ADGB: variants seen among roughly 807,000 people sequenced by gnomAD.
The protein encoded by ADGB is calpain-7-like protein.
In ADGB, 172 loss-of-function variants were observed where a neutral mutation model predicts 210.5. The ratio of observed to expected loss-of-function variants is 0.82; its 90% CI spans 0.72 to 0.93. The LOEUF (loss-of-function observed/expected upper bound fraction) is 0.93. Among genes scored for constraint, ADGB ranks in the 40% least tolerant of loss-of-function variants. The pLI, the probability that ADGB is intolerant of heterozygous loss-of-function variation, is 0.00. For synonymous variants in ADGB, 658 were observed against 662.7 expected, an observed-to-expected ratio of 0.99 and a Z score of 0.11; for missense variants, 2,025 against 1,964.8, an observed-to-expected ratio of 1.03 and a Z score of -0.58.
chr6:146,762,845 C>G (rs1156361571), intron 27 of ADGB, among the ~76,000 whole-genome samples: 4 of 152,114 alleles, frequency 2.6e-5, no homozygotes, highest in Non-Finnish European at 5.9e-5. Context: ...TTCAATGTCT[C>G]TCAACACTGT....
At chr6:146,675,639 A>C (rs1021936606) in intron 8 of ADGB, among the ~76,000 whole-genome samples, 1 of 152,168 alleles carries the variant, frequency 6.6e-6, no homozygotes, top group African/African-American at 2.4e-5. Context: ...AAATGACAGA[A>C]ATCTATAATT....
chr6:146,647,881 T>C (rs1187626130), intron 3 of ADGB, among the ~76,000 whole-genome samples: 1 of 151,914 alleles, frequency 6.6e-6, no homozygotes, highest in Non-Finnish European at 1.5e-5. Context: ...TGAAAGAAAA[T>C]AAATACCTTA....
At chr6:146,656,689 A>AT (rs930397114) in intron 4 of ADGB, 82 bp from the exon 5 acceptor site, 23 of 949,984 alleles carry the variant, frequency 2.4e-5, no homozygotes, top group Middle Eastern at 2.5e-4. Flanking sequence ...TTGGAAGTGG[A>AT]TTTTTTTACT....
chr6:146,751,758 T>C (rs1210131234), intron 26 of ADGB, among the ~76,000 whole-genome samples: 1 of 152,158 alleles, frequency 6.6e-6, no homozygotes, highest in South Asian at 2.1e-4. Flanking sequence ...ATGTGTTTGT[T>C]GGCCACATGT....
intron 35 of ADGB, among the ~76,000 whole-genome samples, chr6:146,812,765 C>A (rs774332548): frequency 2.2e-4 from 34 of 152,182 alleles, no homozygotes; most frequent in Non-Finnish European, 2.9e-4. Flanking sequence ...ATGACATGCC[C>A]TTGTTTTATG....
chr6:146,687,704 T>G (rs1267599832), intron 10 of ADGB, among the ~76,000 whole-genome samples: 1 of 151,992 alleles, frequency 6.6e-6, no homozygotes, highest in Non-Finnish European at 1.5e-5. Flanking sequence ...CAAACCACCA[T>G]GGCACACATA....
intron 33 of ADGB, among the ~76,000 whole-genome samples, chr6:146,800,928 A>T (rs1778121188): frequency 6.6e-6 from 1 of 152,090 alleles, no homozygotes; most frequent in South Asian, 2.1e-4. Context: ...TGTGATTAGA[A>T]TAGCATTTTT....
intron 9 of ADGB, among the ~76,000 whole-genome samples, chr6:146,685,438 T>A (rs1048442847): frequency 6.6e-6 from 1 of 152,028 alleles, no homozygotes; most frequent in East Asian, 1.9e-4. Context: ...TGTGGACCAT[T>A]CTATGTTGCA....
intron 10 of ADGB, among the ~76,000 whole-genome samples, chr6:146,688,323 A>T (rs1776260420): frequency 6.6e-6 from 1 of 152,130 alleles, no homozygotes; most frequent in Non-Finnish European, 1.5e-5. Context: ...TAACAGAAAC[A>T]TGTCATCCTT....
chr6:146,690,501 T>A (rs545168504), intron 10 of ADGB, among the ~76,000 whole-genome samples: 2 of 152,228 alleles, frequency 1.3e-5, no homozygotes, highest in Non-Finnish European at 2.9e-5. Flanking sequence ...ATCAGTAACG[T>A]AAGTTCTACT....
chr6:146,701,068 C>T lies in ADGB; in HGVS notation c.1705C>T (p.Gln569Ter). ...DLSQITKATS[Q>*]GNTASQVILG... ...GAGTCAAATAACAAAAGCTACATCT[C>T]AGGTGACTATGTTACTCTTACTGTT... is the stretch of plus-strand genomic sequence containing the variant. The change falls in exon 13 of 36, where the codon CAG becomes TAG. Residue 569 changes from glutamine (Q) to a stop codon, truncating the protein, a stop_gained and splice_region_variant. Coordinates refer to ENST00000397944, the MANE Select transcript of ADGB (RefSeq NM_024694.4). LOFTEE classifies it high-confidence loss of function. 6.5e-7 allele frequency: 1 copy of T among 1,550,008 alleles called. No homozygotes were observed. The highest frequency in any genetic ancestry group is 2.0e-5 in the Admixed American group (1 of 50,702).
chr6:146,710,651 G>A (rs944499017), intron 13 of ADGB, among the ~76,000 whole-genome samples: 1 of 150,070 alleles, frequency 6.7e-6, no homozygotes, highest in African/African-American at 2.5e-5. Flanking sequence ...GAGATTAATA[G>A]GTGATTGAGG....
At chr6:146,740,946 G>A (rs569816682) in intron 24 of ADGB, among the ~76,000 whole-genome samples, 172 bp from the exon 25 acceptor site, 98 of 152,104 alleles carry the variant, frequency 6.4e-4, no homozygotes, top group South Asian at 4.4e-3. Context: ...TAGAGTTTGC[G>A]TTTACTTGAC....
chr6:146,798,264 C>T (rs1396672544), intron 33 of ADGB, among the ~76,000 whole-genome samples: 2 of 152,158 alleles, frequency 1.3e-5, no homozygotes, highest in East Asian at 1.9e-4. Flanking sequence ...TAGAAGACAA[C>T]GTAAATAGAT....
chr6:146,704,691 A>G (rs1776543051), intron 13 of ADGB, among the ~76,000 whole-genome samples: 1 of 151,916 alleles, frequency 6.6e-6, no homozygotes, highest in Non-Finnish European at 1.5e-5. Flanking sequence ...ATAGCTTTGT[A>G]GTGTATTTTG....
chr6:146,634,018 A>G (rs1352054502), intron 1 of ADGB, among the ~76,000 whole-genome samples: 2 of 152,126 alleles, frequency 1.3e-5, no homozygotes, highest in Non-Finnish European at 2.9e-5. Context: ...AGCTCCACTC[A>G]TGGTAAGTGT....
chr6:146,688,508 T>C (rs563275156), intron 10 of ADGB, among the ~76,000 whole-genome samples: 2 of 152,196 alleles, frequency 1.3e-5, no homozygotes, highest in Admixed American at 6.6e-5. Flanking sequence ...GATATTGACA[T>C]CATAAGGGGA....
At chr6:146,601,713 C>T (rs9403792) in intron 1 of ADGB, among the ~76,000 whole-genome samples, 138,466 of 152,226 alleles carry the variant, frequency 0.91, 63,005 homozygotes, top group Middle Eastern at 0.95. Context: ...GCCTTGAAAA[C>T]GGCTATGCAA....
chr6:146,760,473 G>A (rs1239213111), intron 27 of ADGB, among the ~76,000 whole-genome samples: 2 of 151,800 alleles, frequency 1.3e-5, no homozygotes, highest in Non-Finnish European at 2.9e-5. Context: ...TAATTCCATT[G>A]TATGGAGATA....
Sources: allele counts gnomAD v4.1 joint callset (sites outside exome capture counted in the v4.1 genomes callset), GRCh38; gene constraint gnomAD v4.1.1; transcripts MANE v1.5; gene names NCBI Gene and HGNC (gene_info 2026-07-23, HGNC 2026-07-21).